Variants in UGGT1 observed in about 807,000 individuals in gnomAD.
UGGT1 encodes the protein UDP-glucose glycoprotein glucosyltransferase 1.
In UGGT1, 107 loss-of-function variants were observed where a neutral mutation model predicts 203.9. The ratio of observed to expected loss-of-function variants is 0.52; its 90% CI spans 0.45 to 0.62. The LOEUF (loss-of-function observed/expected upper bound fraction) is 0.62. Ranked by LOEUF, UGGT1 falls within the 20% of genes least tolerant of loss-of-function variation. The pLI, the probability that UGGT1 is intolerant of heterozygous loss-of-function variation, is 0.00. For synonymous variants in UGGT1, 628 were observed against 653.5 expected (o/e 0.96, Z 0.59); for missense variants, 1,673 against 1,867.2 (o/e 0.90, Z 1.92).
chr2:128,138,299 C>T (rs1689238836), intron 15 of UGGT1, among the ~76,000 whole-genome samples: 1 of 152,142 alleles, frequency 6.6e-6, no homozygotes, highest in Non-Finnish European at 1.5e-5. Flanking sequence ...GCTGATGGAT[C>T]ACCTGAGGTC....
At chr2:128,187,897 G>T (rs1339800829) in intron 40 of UGGT1, among the ~76,000 whole-genome samples, 2 of 146,496 alleles carry the variant, frequency 1.4e-5, no homozygotes, top group African/African-American at 2.5e-5. Flanking sequence ...CATGAGTTTT[G>T]TGATACATAA....
chr2:128,179,378 C>A (rs1041051861), intron 34 of UGGT1, among the ~76,000 whole-genome samples: 1 of 152,148 alleles, frequency 6.6e-6, no homozygotes, highest in Admixed American at 6.5e-5. Flanking sequence ...CTGCAGGAGG[C>A]GCTGTGGTTA....
At chr2:128,110,466 C>CA (rs577575386) in intron 5 of UGGT1, among the ~76,000 whole-genome samples, 144 of 152,192 alleles carry the variant, frequency 9.5e-4, no homozygotes, top group Middle Eastern at 3.4e-3. Flanking sequence ...GAGTGCCGAC[C>CA]AAAAAACAGC....
At chr2:128,173,570 C>T (rs1691224908) in intron 29 of UGGT1, among the ~76,000 whole-genome samples, 1 of 152,164 alleles carries the variant, frequency 6.6e-6, no homozygotes. Context: ...CTTTTATACC[C>T]CTTTGCAGAC....
intron 27 of UGGT1, among the ~76,000 whole-genome samples, chr2:128,170,736 A>G (rs1327072439): frequency 6.6e-6 from 1 of 152,184 alleles, no homozygotes; most frequent in Non-Finnish European, 1.5e-5. Context: ...TTTTATAACT[A>G]CCATGGATTT....
Position 128,156,398 on chromosome 2 carries a change from C to A in UGGT1, c.2243C>A (p.Ser748Tyr). The A allele has an allele frequency of 6.3e-7, 1 of 1,595,446 alleles. No individual in the cohort carries two copies. The highest frequency in any genetic ancestry group is 1.7e-5 in the Admixed American group (1 of 59,574). The change falls in exon 21 of 41, where the codon TCC becomes TAC. Residue 748 changes from serine (S) to tyrosine (Y), a missense_variant. Physicochemically the swap from Ser to Tyr is moderately radical, Grantham distance 144. Transcript: ENST00000259253. ...SMNYLTKKGMSSKEIYDDSFI... is the reference protein window; with the variant it reads ...SMNYLTKKGMYSKEIYDDSFI... ...TCTCTTTACCTTTGTTCAGGAATGT[C>A]CTCCAAGGAAATCTATGGTAACTTA...
chr2:128,143,007 T>C, intron 16 of UGGT1, 87 bp from the exon 17 acceptor site: 1 of 1,355,168 alleles, frequency 7.4e-7, no homozygotes. Flanking sequence ...TAAGTATATT[T>C]TCCTCTAAAT....
At chr2:128,142,584 CAAAAAAA>C (rs140971109) in intron 16 of UGGT1, among the ~76,000 whole-genome samples, 1 of 57,424 alleles carries the variant, frequency 1.7e-5, no homozygotes, top group Non-Finnish European at 3.8e-5. Context: ...GACTCCATCT[CAAAAAAA>C]AAAAAAAAAA....
At chr2:128,092,701 T>G (rs1346498345) in intron 1 of UGGT1, among the ~76,000 whole-genome samples, 2 of 151,902 alleles carry the variant, frequency 1.3e-5, no homozygotes, top group Non-Finnish European at 2.9e-5. Flanking sequence ...TTTTTTATTT[T>G]TTGTTGGTGA....
chr2:128,187,301 C>T (rs1228307409), intron 39 of UGGT1, 148 bp from the exon 40 acceptor site: 1 of 764,824 alleles, frequency 1.3e-6, no homozygotes. Context: ...TTACATAGCC[C>T]ACTACCATAT....
Position 128,134,914 on chromosome 2 carries a change from G to C in UGGT1, c.1536G>C (p.Glu512Asp). 1 of 1,613,984 alleles carries C rather than the reference G, an allele frequency of 6.2e-7. No homozygotes were observed. The highest frequency in any genetic ancestry group is 8.5e-7 in the Non-Finnish European group (1 of 1,179,986). The change falls in exon 15 of 41, where the codon GAG becomes GAC. Residue 512 changes from glutamate to aspartate, a missense_variant. Coordinates refer to ENST00000259253, the MANE Select transcript of UGGT1 (RefSeq NM_020120.4). ...ATCCTGCACATGAGACCACAGCAGA[G>C]TTGATGAACACAGCTGAGATGTTCC... The part of the protein sequence containing the change: ...IVDPAHETTA[E>D]LMNTAEMFLS...
intron 11 of UGGT1, among the ~76,000 whole-genome samples, chr2:128,123,989 A>T (rs1688498024): frequency 6.6e-6 from 1 of 152,194 alleles, no homozygotes; most frequent in South Asian, 2.1e-4. Context: ...TCTGTCACCC[A>T]GGCTGGAGTG....
intron 6 of UGGT1, 52 bp from the exon 7 acceptor site, chr2:128,115,072 G>A: frequency 6.5e-7 from 1 of 1,534,746 alleles, no homozygotes; most frequent in African/African-American, 1.4e-5. Flanking sequence ...CATGTACACT[G>A]TGACATAGAA....
In UGGT1 at chr2:128,181,089, C is replaced by CCTTA; in HGVS notation, c.4083+17_4083+18insCTTA. ...GCTGATCAGGTAGGCCCTTAAAGGC[C>CCTTA]AAGTTTTGACAGTTTGTATTAAAAG... On this transcript the variant is annotated intron_variant, in intron 36 of 40. Coordinates refer to ENST00000259253, the MANE Select transcript of UGGT1 (RefSeq NM_020120.4). The CCTTA allele has an allele frequency of 6.3e-7, 1 of 1,593,294 alleles. No individual in the cohort carries two copies. The highest frequency in any genetic ancestry group is 8.5e-7 in the Non-Finnish European group (1 of 1,170,280).
intron 3 of UGGT1, among the ~76,000 whole-genome samples, chr2:128,105,190 A>AT (rs905825620): frequency 2.0e-5 from 3 of 150,970 alleles, no homozygotes; most frequent in African/African-American, 7.3e-5. Context: ...GCCTGTATTG[A>AT]TTTTTTTAAC....
At chr2:128,129,863 A>C (rs1252722669) in intron 13 of UGGT1, among the ~76,000 whole-genome samples, 1 of 152,100 alleles carries the variant, frequency 6.6e-6, no homozygotes, top group African/African-American at 2.4e-5. Context: ...TTAGCTAAGA[A>C]CCTTCTTTAG....
At chr2:128,175,796 C>G (rs1366358040) in intron 31 of UGGT1, among the ~76,000 whole-genome samples, 1 of 152,180 alleles carries the variant, frequency 6.6e-6, no homozygotes, top group Admixed American at 6.5e-5. Flanking sequence ...CTGTTCAGGG[C>G]CCCACCCCCA....
At chr2:128,114,453 G>A (rs572179404) in intron 6 of UGGT1, among the ~76,000 whole-genome samples, 40 of 152,240 alleles carry the variant, frequency 2.6e-4, no homozygotes, top group Non-Finnish European at 4.1e-4. Flanking sequence ...CAAGCAGAAA[G>A]TTTTATTGAA....
chr2:128,182,307 C>T lies in UGGT1; in HGVS notation c.4244+17C>T, dbSNP rs768001174. On this transcript the variant is annotated intron_variant, in intron 37 of 40. Coordinates refer to ENST00000259253, the MANE Select transcript of UGGT1 (RefSeq NM_020120.4). ...TCATATCAGGTACTGAAAAGAAGCACTCCTAACACTGTTACGGGGTTTTCC... is the reference window on the plus strand; with the variant it reads ...TCATATCAGGTACTGAAAAGAAGCATTCCTAACACTGTTACGGGGTTTTCC... 3.8e-6 allele frequency: 6 copies of T among 1,596,862 alleles called. No homozygotes were observed. The South Asian group carries it at 6.8e-5, about 18-fold the overall frequency.
Sources: gnomAD v4.1 joint callset for allele counts (sites outside exome capture counted in the v4.1 genomes callset) on GRCh38, gnomAD v4.1.1 for gene constraint, MANE v1.5 for transcripts, NCBI Gene and HGNC (gene_info 2026-07-23, HGNC 2026-07-21) for gene names.